The following ROR2 variants were observed in gnomAD, a reference collection of about 807,000 sequenced individuals.
ROR2 encodes ROR family WNT receptor 2.
Under a neutral mutation model 74.9 loss-of-function variants are expected in ROR2, and 33 were observed. The observed-to-expected ratio is 0.44, with a 90% CI of 0.33 to 0.59. The LOEUF (loss-of-function observed/expected upper bound fraction) is 0.59, where lower values mean the gene tolerates loss of function less well. Ranked by LOEUF, ROR2 falls within the 20% of genes least tolerant of loss-of-function variation. The probability of loss-of-function intolerance (pLI) is 0.02; values close to 1 mark genes in which losing one functional copy is unlikely to be tolerated. For synonymous variants in ROR2, 586 were observed against 558.7 expected, an observed-to-expected ratio of 1.05 and a Z score of -0.69; for missense variants, 1,216 against 1,313.8, an observed-to-expected ratio of 0.93 and a Z score of 1.15.
At chr9:91,844,678 G>A (rs1374091996) in intron 1 of ROR2, among the ~76,000 whole-genome samples, 7 of 152,132 alleles carry the variant, frequency 4.6e-5, no homozygotes, top group East Asian at 1.9e-4. Context: ...CCATACTGGC[G>A]GGATGTTGTC....
At chr9:91,944,108 T>C (rs774701865) in intron 1 of ROR2, among the ~76,000 whole-genome samples, 16 of 152,324 alleles carry the variant, frequency 1.1e-4, no homozygotes, top group East Asian at 3.9e-4. Context: ...ATGAACATCA[T>C]AGAGTGTCCC....
chr9:91,805,190 G>A (rs1827507803), intron 1 of ROR2, among the ~76,000 whole-genome samples: 1 of 152,228 alleles, frequency 6.6e-6, no homozygotes, highest in African/African-American at 2.4e-5. Context: ...TCTGGTGCCA[G>A]CACCACCTGC....
chr9:91,833,268 C>T (rs1341796477), intron 1 of ROR2, among the ~76,000 whole-genome samples: 5 of 152,138 alleles, frequency 3.3e-5, no homozygotes, highest in African/African-American at 7.2e-5. Context: ...ATGCTCCCGA[C>T]GCATCCACGC....
intron 1 of ROR2, among the ~76,000 whole-genome samples, chr9:91,785,246 G>A (rs540074097): frequency 1.8e-4 from 27 of 152,220 alleles, no homozygotes; most frequent in South Asian, 8.3e-4. Flanking sequence ...GTGGTTCGAC[G>A]CCTCACTTGT....
chr9:91,865,978 T>A (rs77526729), intron 1 of ROR2, among the ~76,000 whole-genome samples: 1,998 of 152,300 alleles, frequency 0.013, 46 homozygotes, highest in African/African-American at 0.045. Context: ...ATTACCTAAA[T>A]CAAATTACTC....
intron 1 of ROR2, among the ~76,000 whole-genome samples, chr9:91,933,378 T>TA (rs1050933333): frequency 0.02 from 2,912 of 148,482 alleles, 68 homozygotes; most frequent in African/African-American, 0.057. Flanking sequence ...CTCACAGAGT[T>TA]AAAAAAAAAA....
intron 1 of ROR2, among the ~76,000 whole-genome samples, chr9:91,866,583 T>G (rs1213382105): frequency 6.6e-6 from 1 of 152,104 alleles, no homozygotes; most frequent in Non-Finnish European, 1.5e-5. Context: ...GCTTAGCTAA[T>G]TTTTGTACCA....
chr9:91,784,119 C>T (rs559276161), intron 1 of ROR2, among the ~76,000 whole-genome samples: 3 of 152,302 alleles, frequency 2.0e-5, no homozygotes, highest in South Asian at 4.2e-4. Context: ...CACACCACAG[C>T]CCGGCCTCCC....
At chr9:91,942,152 TTTGCTACAGACCA>T (rs1208356510) in intron 1 of ROR2, among the ~76,000 whole-genome samples, 1 of 152,186 alleles carries the variant, frequency 6.6e-6, no homozygotes, top group Non-Finnish European at 1.5e-5. Context: ...CTCGACAATT[TTTGCTACAGACCA>T]TTGTTTCATA....
At chr9:91,753,898 A>G (rs917398908) in intron 4 of ROR2, among the ~76,000 whole-genome samples, 1 of 152,338 alleles carries the variant, frequency 6.6e-6, no homozygotes, top group African/African-American at 2.4e-5. Flanking sequence ...TTTCTCATCA[A>G]TAGTGTATAG....
chr9:91,756,186 G>T, intron 3 of ROR2, 85 bp from the exon 4 acceptor site: 1 of 1,391,618 alleles, frequency 7.2e-7, no homozygotes, highest in South Asian at 1.2e-5. Context: ...GTGGCAAACA[G>T]GCTGAAGCCA....
At chr9:91,757,647 AG>A (rs1825802523) in intron 2 of ROR2, 88 bp from the exon 3 acceptor site, 7 of 1,492,746 alleles carry the variant, frequency 4.7e-6, no homozygotes, top group Non-Finnish European at 6.4e-6. Context: ...AACTCTTCCA[AG>A]GGAAGGTTTC....
chr9:91,947,293 T>C (rs1832035946), intron 1 of ROR2, among the ~76,000 whole-genome samples: 1 of 152,170 alleles, frequency 6.6e-6, no homozygotes, highest in African/African-American at 2.4e-5. Context: ...TCAGTTACAC[T>C]GAGTGTCACA....
At chr9:91,869,369 A>T (rs1013142370) in intron 1 of ROR2, among the ~76,000 whole-genome samples, 1 of 152,202 alleles carries the variant, frequency 6.6e-6, no homozygotes, top group African/African-American at 2.4e-5. Context: ...GTACAGGCAT[A>T]TTAAAGCACC....
At chr9:91,843,928 C>T (rs1041847479) in intron 1 of ROR2, among the ~76,000 whole-genome samples, 11 of 152,252 alleles carry the variant, frequency 7.2e-5, no homozygotes, top group African/African-American at 2.7e-4. Context: ...GGATGCCGGC[C>T]CTGCTGTCTG....
At chr9:91,896,171 G>A (rs1001512792) in intron 1 of ROR2, among the ~76,000 whole-genome samples, 6 of 152,134 alleles carry the variant, frequency 3.9e-5, no homozygotes, top group Non-Finnish European at 4.4e-5. Flanking sequence ...AGAAATTCAC[G>A]CAGTGCATAC....
chr9:91,853,350 G>A (rs1829174149), intron 1 of ROR2, among the ~76,000 whole-genome samples: 1 of 152,204 alleles, frequency 6.6e-6, no homozygotes, highest in African/African-American at 2.4e-5. Flanking sequence ...GGTGGAAGAA[G>A]GAGGGGAGGT....
intron 1 of ROR2, among the ~76,000 whole-genome samples, chr9:91,863,981 G>A (rs1246301217): frequency 1.3e-5 from 2 of 152,062 alleles, no homozygotes; most frequent in East Asian, 3.8e-4. Flanking sequence ...AACAGATTCC[G>A]GCAACATAAA....
chr9:91,938,483 T>G (rs184495365), intron 1 of ROR2, among the ~76,000 whole-genome samples: 24 of 152,168 alleles, frequency 1.6e-4, no homozygotes, highest in Admixed American at 1.4e-3. Flanking sequence ...GTGAGCCAGA[T>G]GTGATGTGCA....
Sources: allele counts gnomAD v4.1 joint callset (sites outside exome capture counted in the v4.1 genomes callset), GRCh38; gene constraint gnomAD v4.1.1; transcripts MANE v1.5; gene names NCBI Gene and HGNC (gene_info 2026-07-23, HGNC 2026-07-21).